Variants in PADI1 observed in about 807,000 individuals in gnomAD.
The protein encoded by PADI1 is peptidyl arginine deiminase 1.
In PADI1, 65 loss-of-function variants were observed where a neutral mutation model predicts 74.8. That is an observed-to-expected ratio of 0.87 (90% CI 0.71 to 1.07). PADI1 has a LOEUF of 1.07. PADI1 is among the 50% of genes least tolerant of loss of function. The pLI is 0.00. For synonymous variants in PADI1, 371 were observed against 336.2 expected, an observed-to-expected ratio of 1.10 and a Z score of -1.13; for missense variants, 943 against 854.0, an observed-to-expected ratio of 1.10 and a Z score of -1.30.
intron 14 of PADI1, chr1:17,240,251 C>T (rs879815609): frequency 8.3e-6 from 2 of 239,988 alleles, no homozygotes; most frequent in African/African-American, 2.2e-5. Context: ...AGCACAGAGT[C>T]GGTGCTCAGT....
intron 6 of PADI1, among the ~76,000 whole-genome samples, chr1:17,227,410 A>T (rs1044986841): frequency 2.0e-5 from 3 of 151,312 alleles, no homozygotes; most frequent in Non-Finnish European, 4.4e-5. Context: ...ATTAGCCTGT[A>T]GTCCCAGCTA....
intron 1 of PADI1, among the ~76,000 whole-genome samples, chr1:17,206,861 A>G (rs1030836718): frequency 1.3e-5 from 2 of 151,882 alleles, no homozygotes; most frequent in African/African-American, 4.8e-5. Context: ...TTGTATTTTT[A>G]GTAGAGACAA....
At chr1:17,206,683 CTTTTTTTTTT>C (rs796276122) in intron 1 of PADI1, among the ~76,000 whole-genome samples, 28 of 109,762 alleles carry the variant, frequency 2.6e-4, no homozygotes, top group Admixed American at 7.6e-4. Flanking sequence ...TTTTCTTTTT[CTTTTTTTTTT>C]TTTTTTTTTT....
intron 11 of PADI1, among the ~76,000 whole-genome samples, chr1:17,235,567 G>T (rs902810368): frequency 2.6e-5 from 4 of 152,060 alleles, no homozygotes; most frequent in Admixed American, 6.5e-5. Flanking sequence ...CTTGGGACCT[G>T]GGCTCAGGAG....
At position 17,222,424 on chromosome 1, in the gene PADI1, T is replaced by C; in HGVS notation, c.227T>C (p.Met76Thr). 6.2e-7 allele frequency: 1 copy of C among 1,614,120 alleles called. No individual in the cohort carries two copies. The highest frequency in any genetic ancestry group is 1.1e-5 in the South Asian group (1 of 91,082). Residue 76 changes from methionine to threonine, a missense_variant, in exon 2 of 16, where the codon ATG (methionine) becomes ACG (threonine). Coordinates refer to ENST00000375471, the MANE Select transcript of PADI1 (RefSeq NM_013358.3). ...TGGCCGCTAGACACTGATGCAGACA[T>C]GGTCGTATCTGTGGGCACAGCCAGT... ...ARWPLDTDAD[M>T]VVSVGTASKE...
intron 2 of PADI1, among the ~76,000 whole-genome samples, chr1:17,222,721 C>A (rs1422926188): frequency 6.6e-6 from 1 of 152,152 alleles, no homozygotes; most frequent in African/African-American, 2.4e-5. Flanking sequence ...CTCCTAGTCA[C>A]CCCCTCAGAT....
chr1:17,240,657 A>G lies in PADI1; in HGVS notation c.1655A>G (p.Asn552Ser). 2 of 1,614,086 alleles carry G rather than the reference A, an allele frequency of 1.2e-6. No homozygotes were observed. Among genetic ancestry groups the G allele is most frequent in the African/African-American group, 1.3e-5 (1 of 75,046 alleles). Reference sequence around the variant, plus strand: ...CAGAAATGCATTGACTGGAACCGTAATGTGCTGAAGCGGGAGCTGGGCCTG... The same window carrying G: ...CAGAAATGCATTGACTGGAACCGTAGTGTGCTGAAGCGGGAGCTGGGCCTG... Reference protein sequence around the residue: ...HAQKCIDWNRNVLKRELGLAE... With the variant: ...HAQKCIDWNRSVLKRELGLAE... Residue 552 changes from asparagine (N) to serine (S), a missense_variant, in exon 15 of 16, where the codon AAT (asparagine) becomes AGT (serine). Coordinates refer to ENST00000375471, the MANE Select transcript of PADI1 (RefSeq NM_013358.3).
At chr1:17,229,747 C>T (rs997776470) in intron 8 of PADI1, among the ~76,000 whole-genome samples, 1 of 152,208 alleles carries the variant, frequency 6.6e-6, no homozygotes, top group Non-Finnish European at 1.5e-5. Flanking sequence ...TTGTGTGGAA[C>T]AGGAGTAGAT....
chr1:17,232,737 C>G, intron 10 of PADI1, 82 bp from the exon 11 acceptor site: 1 of 1,283,808 alleles, frequency 7.8e-7, no homozygotes, highest in Non-Finnish European at 1.1e-6. Flanking sequence ...CCCAGCAACT[C>G]CCCTCTACTC....
At chr1:17,217,947 G>T (rs1292802508) in intron 1 of PADI1, among the ~76,000 whole-genome samples, 5 of 152,214 alleles carry the variant, frequency 3.3e-5, no homozygotes, top group Non-Finnish European at 7.3e-5. Flanking sequence ...GTTCCTCCAG[G>T]ATTATCTGAT....
At position 17,240,644 on chromosome 1, in the gene PADI1, G is replaced by A. The variant is rs759455418; in HGVS notation, c.1642G>A (p.Asp548Asn). ...RDNLHAQKCI[D>N]WNRNVLKREL... ...CTGCCTCCTTCCCCAGAAATGCATT[G>A]ACTGGAACCGTAATGTGCTGAAGCG... The change falls in exon 15 of 16, where the codon GAC becomes AAC. Residue 548 changes from aspartate (D) to asparagine (N), a missense_variant. Physicochemically the swap from Asp to Asn is conservative, Grantham distance 23 (BLOSUM62 1). Transcript: ENST00000375471. 3.1e-6 allele frequency: 5 copies of A among 1,614,056 alleles called. No homozygotes were observed. Among genetic ancestry groups the A allele is most frequent in the Non-Finnish European group, 4.2e-6 (5 of 1,179,928 alleles).
At chr1:17,227,299 G>A (rs571297281) in intron 6 of PADI1, among the ~76,000 whole-genome samples, 3 of 150,732 alleles carry the variant, frequency 2.0e-5, no homozygotes, top group African/African-American at 7.3e-5. Flanking sequence ...TATAATTCCA[G>A]CACTTTGGGA....
chr1:17,240,569 C>CAGT, intron 14 of PADI1, 66 bp from the exon 15 acceptor site: 1 of 1,575,316 alleles, frequency 6.3e-7, no homozygotes, highest in South Asian at 1.1e-5. Flanking sequence ...GCCCAGCGCA[C>CAGT]AGTAGGTGCT....
intron 1 of PADI1, among the ~76,000 whole-genome samples, chr1:17,213,151 G>A (rs1423713680): frequency 6.6e-6 from 1 of 152,362 alleles, no homozygotes; most frequent in South Asian, 2.1e-4. Context: ...TAACTTCTCC[G>A]AGATTTCTTC....
Position 17,244,067 on chromosome 1 carries a change from A to T in PADI1, c.1816A>T (p.Ile606Phe), listed in dbSNP as rs1477846057. 1 of 1,614,200 alleles carries T rather than the reference A, an allele frequency of 6.2e-7. No homozygotes were observed. ...LGIPKPYGPI[I>F]NGRCCLEEKV... The stretch of plus-strand genomic sequence containing the variant: ...CATCCCCAAGCCCTACGGGCCCATC[A>T]TCAATGGCCGCTGCTGCCTGGAGGA... Residue 606 changes from isoleucine to phenylalanine, a missense_variant, in exon 16 of 16, where the codon ATC (isoleucine) becomes TTC (phenylalanine). Physicochemically the swap from Ile to Phe is conservative, Grantham distance 21 (BLOSUM62 0). Transcript: ENST00000375471.
At position 17,232,933 on chromosome 1, in the gene PADI1, C is replaced by T. The variant is rs1019278724; in HGVS notation, c.1276C>T (p.Pro426Ser). ...CGTCACGGTGGGCGGCACGGAATACCCCCTGGGCCGGATCCTCATCGGGAG... is the reference window on the plus strand; with the variant it reads ...CGTCACGGTGGGCGGCACGGAATACTCCCTGGGCCGGATCCTCATCGGGAG... ...PPVTVGGTEYPLGRILIGSSF... is the reference protein window; with the variant it reads ...PPVTVGGTEYSLGRILIGSSF... Residue 426 changes from proline to serine, a missense_variant, in exon 11 of 16, where the codon CCC (proline) becomes TCC (serine). Pro to Ser is a moderately conservative substitution (Grantham distance 74, BLOSUM62 -1). Transcript: ENST00000375471. 1.2e-6 allele frequency: 2 copies of T among 1,611,220 alleles called. No homozygotes were observed. Among genetic ancestry groups the T allele is most frequent in the African/African-American group, 1.3e-5 (1 of 74,852 alleles).
chr1:17,220,444 C>A (rs1338154987), intron 1 of PADI1, among the ~76,000 whole-genome samples: 1 of 152,042 alleles, frequency 6.6e-6, no homozygotes, highest in Non-Finnish European at 1.5e-5. Flanking sequence ...TGCAGAAGGA[C>A]CCCTTTTGCA....
chr1:17,243,907 C>T, intron 15 of PADI1, 103 bp from the exon 16 acceptor site: 1 of 786,334 alleles, frequency 1.3e-6, no homozygotes, highest in Non-Finnish European at 2.1e-6. Flanking sequence ...GTGGCTATGG[C>T]CAACCCATTC....
At chr1:17,222,503 G>T in intron 2 of PADI1, 33 bp downstream of exon 2, 1 of 1,546,906 alleles carries the variant, frequency 6.5e-7, no homozygotes, top group South Asian at 1.1e-5. Context: ...AAAAGGGTTG[G>T]ATCTCTCCAC....
Sources: allele counts gnomAD v4.1 joint callset (sites outside exome capture counted in the v4.1 genomes callset), GRCh38; gene constraint gnomAD v4.1.1; transcripts MANE v1.5; gene names NCBI Gene and HGNC (gene_info 2026-07-23, HGNC 2026-07-21).